The following DACH2 variants were observed in gnomAD, a reference collection of about 807,000 sequenced individuals.
DACH2 encodes dachshund homolog 2.
A neutral mutation model predicts 35.8 loss-of-function variants in DACH2; 17 were observed. The observed-to-expected ratio is 0.48, with a 90% CI of 0.33 to 0.71. The LOEUF is 0.71. Ranked by LOEUF, DACH2 falls within the 30% of genes least tolerant of loss-of-function variation. The pLI is 0.02. For synonymous variants in DACH2, 195 were observed against 177.3 expected (o/e 1.10, Z -0.79); for missense variants, 469 against 472.7 (o/e 0.99, Z 0.07).
rs529735876 is a variant in DACH2, at chrX:86,201,540, T to C, written c.488+52432T>C. Among the ~76,000 whole-genome samples, 4 of 111,652 alleles carry C rather than the reference T, an allele frequency of 3.6e-5. No homozygotes were observed. The South Asian group carries it at 1.5e-3, about 41-fold the overall frequency. On this transcript the variant is annotated intron_variant, in intron 1 of 11. Transcript: ENST00000373125. Reference sequence around the variant, plus strand: ...CATTGTAAAATACCTAATCTGTTTATTGCCATCTCTTAAGCTACTTTCAAA... The same window carrying C: ...CATTGTAAAATACCTAATCTGTTTACTGCCATCTCTTAAGCTACTTTCAAA...
At chrX:86,427,899 G>T (rs2036920271) in intron 2 of DACH2, among the ~76,000 whole-genome samples, 1 of 111,698 alleles carries the variant, frequency 9.0e-6, no homozygotes, top group South Asian at 3.7e-4. Flanking sequence ...ATGGCTGAAG[G>T]ATTATTTTAG....
intron 7 of DACH2, among the ~76,000 whole-genome samples, chrX:86,806,054 C>A (rs58022911): frequency 0.23 from 25,022 of 110,569 alleles, 2,602 homozygotes; most frequent in African/African-American, 0.39. Context: ...TTTTAGGTAT[C>A]TTTATAGCAA....
intron 2 of DACH2, among the ~76,000 whole-genome samples, chrX:86,404,572 C>A (rs2036492555): frequency 8.9e-6 from 1 of 112,384 alleles, no homozygotes; most frequent in African/African-American, 3.2e-5. Flanking sequence ...GGCAGCTGTG[C>A]CTCTGTGGCT....
chrX:86,540,819 T>TA (rs1182773774), intron 3 of DACH2, among the ~76,000 whole-genome samples: 1 of 111,784 alleles, frequency 8.9e-6, no homozygotes, highest in Non-Finnish European at 1.9e-5. Context: ...CTTCACTACA[T>TA]AAAAAATATA....
At chrX:86,509,826 C>T (rs1055401276) in intron 2 of DACH2, among the ~76,000 whole-genome samples, 16 of 111,971 alleles carry the variant, frequency 1.4e-4, no homozygotes, top group African/African-American at 4.5e-4. Flanking sequence ...TTCTAATGTA[C>T]GCTAAACAGT....
At chrX:86,304,461 G>T (rs994955655) in intron 1 of DACH2, 1 of 122,212 alleles carries the variant, frequency 8.2e-6, no homozygotes, top group East Asian at 2.2e-4. Context: ...GTCATGGCTT[G>T]GATGCAAAGC....
intron 2 of DACH2, among the ~76,000 whole-genome samples, chrX:86,390,865 C>T (rs757162714): frequency 3.6e-5 from 4 of 110,421 alleles, no homozygotes; most frequent in South Asian, 4.0e-4. Context: ...GCTGGGATTA[C>T]GGATGTGAGC....
intron 1 of DACH2, among the ~76,000 whole-genome samples, chrX:86,199,302 C>T (rs1182278308): frequency 9.0e-6 from 1 of 111,490 alleles, no homozygotes; most frequent in African/African-American, 3.3e-5. Flanking sequence ...AACCCACAGC[C>T]TACATCACAT....
intron 5 of DACH2, among the ~76,000 whole-genome samples, chrX:86,713,415 A>G (rs1194208686): frequency 2.7e-5 from 3 of 111,420 alleles, no homozygotes; most frequent in Non-Finnish European, 3.8e-5. Flanking sequence ...TAAGGGAAAC[A>G]AGGAAAAGTG....
At chrX:86,419,300 C>T (rs192765267) in intron 2 of DACH2, among the ~76,000 whole-genome samples, 2 of 111,710 alleles carry the variant, frequency 1.8e-5, no homozygotes, top group African/African-American at 3.3e-5. Flanking sequence ...TTCATGCTGC[C>T]GTTAAAGACA....
At chrX:86,443,838 G>T (rs1338975056) in intron 2 of DACH2, among the ~76,000 whole-genome samples, 1 of 111,694 alleles carries the variant, frequency 9.0e-6, no homozygotes, top group Non-Finnish European at 1.9e-5. Context: ...TTGCATGCCT[G>T]GGATGAATCC....
chrX:86,788,528 G>A (rs1055345048), intron 7 of DACH2, among the ~76,000 whole-genome samples: 4 of 111,789 alleles, frequency 3.6e-5, no homozygotes, highest in Non-Finnish European at 7.5e-5. Context: ...TCATTGGACT[G>A]CAATGATATG....
chrX:86,639,427 T>C (rs1408049732), intron 3 of DACH2, among the ~76,000 whole-genome samples: 1 of 111,632 alleles, frequency 9.0e-6, no homozygotes, highest in Non-Finnish European at 1.9e-5. Flanking sequence ...GAGCAGCTGC[T>C]CAGGCATGTG....
At chrX:86,296,953 C>G (rs755453701) in intron 1 of DACH2, among the ~76,000 whole-genome samples, 16 of 108,256 alleles carry the variant, frequency 1.5e-4, no homozygotes, top group Non-Finnish European at 3.0e-4. Context: ...TCATAACATA[C>G]ACATGCATGC....
chrX:86,228,160 C>T (rs1159445000), intron 1 of DACH2, among the ~76,000 whole-genome samples: 2 of 109,582 alleles, frequency 1.8e-5, no homozygotes, highest in African/African-American at 6.6e-5. Flanking sequence ...TTGTATCATT[C>T]TTATGCATTT....
intron 4 of DACH2, among the ~76,000 whole-genome samples, chrX:86,654,187 TAAAAAAAAAAAAAAAAA>T (rs764775335): frequency 7.4e-5 from 3 of 40,451 alleles, no homozygotes; most frequent in Admixed American, 4.3e-4. Context: ...ACATTTTTAG[TAAAAAAAAAAAAAAAAA>T]AAAAAAAAAA....
chrX:86,731,809 T>C (rs1470645887), intron 6 of DACH2, among the ~76,000 whole-genome samples: 1 of 111,769 alleles, frequency 8.9e-6, no homozygotes, highest in African/African-American at 3.2e-5. Flanking sequence ...GTGATATAAC[T>C]TGTAGAAGCT....
At chrX:86,779,266 G>A (rs546696902) in intron 7 of DACH2, among the ~76,000 whole-genome samples, 1 of 111,527 alleles carries the variant, frequency 9.0e-6, no homozygotes, top group African/African-American at 3.3e-5. Context: ...GGCAATATTT[G>A]TATAGTAGAT....
At chrX:86,265,071 C>G (rs1232631939) in intron 1 of DACH2, among the ~76,000 whole-genome samples, 1 of 111,494 alleles carries the variant, frequency 9.0e-6, no homozygotes, top group Non-Finnish European at 1.9e-5. Flanking sequence ...CTTAAAAGGT[C>G]TAACCATAAG....
Sources: allele counts gnomAD v4.1 joint callset (sites outside exome capture counted in the v4.1 genomes callset), GRCh38; gene constraint gnomAD v4.1.1; transcripts MANE v1.5; gene names NCBI Gene and HGNC (gene_info 2026-07-23, HGNC 2026-07-21).